The following NOTCH1 variants were observed in gnomAD, a reference collection of about 807,000 sequenced individuals.
NOTCH1 encodes the protein notch receptor 1, also known as neurogenic locus notch homolog protein 1.
In NOTCH1, 37 loss-of-function variants were observed where a neutral mutation model predicts 254.8. That is an observed-to-expected ratio of 0.15 (90% confidence interval 0.11 to 0.19). NOTCH1 has a LOEUF of 0.19. Ranked by LOEUF, NOTCH1 falls within the 10% of genes least tolerant of loss-of-function variation. NOTCH1 has a pLI of 1.00. For missense variants in NOTCH1, 2,972 were observed against 3,708.6 expected (o/e 0.80, Z 5.16); for synonymous variants, 1,731 against 1,618.1 (o/e 1.07, Z -1.68).
At chr9:136,512,881 A>AC (rs1843202923) in intron 15 of NOTCH1, 140 bp downstream of exon 15, 2 of 647,500 alleles carry the variant, frequency 3.1e-6, no homozygotes, top group South Asian at 1.7e-5. Flanking sequence ...CCACCACTTT[A>AC]CCCTCCAGTC....
chr9:136,517,537 G>T, intron 8 of NOTCH1, 152 bp from the exon 9 acceptor site: 1 of 828,504 alleles, frequency 1.2e-6, no homozygotes, highest in Non-Finnish European at 1.9e-6. Context: ...GCAGCCCGTG[G>T]CCCCTGGCCC....
In NOTCH1 at chr9:136,508,093, G is replaced by A. The variant is rs530959956; in HGVS notation, c.3372C>T (p.Asp1124=). The part of the protein sequence containing the change: ...RLCQHGGLCV[D]AGNTHHCRCQ... ...AGCGGCAGTGGTGCGTGTTGCCCGC[G>A]TCCACACAGAGCCCTCCATGCTGGC... The change falls in exon 21 of 34, where the codon GAC becomes GAT. Residue 1124 remains aspartate, a synonymous_variant. Transcript: ENST00000651671. 1.6e-5 allele frequency: 26 copies of A among 1,609,384 alleles called. No individual in the cohort carries two copies. The highest frequency in any genetic ancestry group is 5.3e-5 in the African/African-American group (4 of 75,034).
chr9:136,513,205 G>A lies in NOTCH1; in HGVS notation c.2354-71C>T. On this transcript the variant is annotated intron_variant, in intron 14 of 33. Transcript: ENST00000651671. This position sits in a 1 kb window ranked among gnomAD's most constrained non-coding sequence, Gnocchi z 4.7. Reference sequence around the variant, plus strand: ...ACCTTGGCAGGGCCCCACAACAGCAGCCCTGGGCCTGCTCCCCACCCCAGG... The same window carrying A: ...ACCTTGGCAGGGCCCCACAACAGCAACCCTGGGCCTGCTCCCCACCCCAGG... 1 of 1,471,758 alleles carries A rather than the reference G, an allele frequency of 6.8e-7. No individual in the cohort carries two copies. The highest frequency in any genetic ancestry group is 9.5e-7 in the Non-Finnish European group (1 of 1,053,194). 91.2% of individuals were successfully genotyped at this position (1,471,758 alleles called of 1,614,324 possible). A position where few individuals can be genotyped will look rare whatever the true frequency, so the allele number is the denominator to read the frequency against.
chr9:136,522,843 G>A lies in NOTCH1; in HGVS notation c.742+7C>T. ...GCTCGTGCACCCCGGCCAGCGGGCA[G>A]CACTACCTGGCAGGCAGGCACACTC... On this transcript the variant is annotated splice_region_variant and intron_variant, in intron 4 of 33. Coordinates refer to ENST00000651671, the MANE Select transcript of NOTCH1 (RefSeq NM_017617.5). 1 of 1,485,028 alleles carries A rather than the reference G, an allele frequency of 6.7e-7. No homozygotes were observed. The allele number at this position is 1,485,028 out of a possible 1,614,324, so 92.0% of individuals were successfully genotyped here.
At position 136,526,487 on chromosome 9, in the gene NOTCH1, G is replaced by A. The variant is rs541836401; in HGVS notation, c.141-2508C>T. ...CCGGCCCCTCGAGGCTCCAAGGAGC[G>A]GGAAAAGCTCACCTGCTGGGCAAGA... On this transcript the variant is annotated intron_variant, in intron 2 of 33. Transcript: ENST00000651671. Among the ~76,000 whole-genome samples the A allele has an allele frequency of 2.6e-4, 40 of 152,324 alleles. 1 individual carries two copies. In the South Asian group the frequency reaches 5.4e-3, roughly 20 times the overall value.
chr9:136,505,004 C>G lies in NOTCH1; in HGVS notation c.4687G>C (p.Glu1563Gln). 1 of 1,601,574 alleles carries G rather than the reference C, an allele frequency of 6.2e-7. No homozygotes were observed. The highest frequency in any genetic ancestry group is 2.3e-5 in the East Asian group (1 of 44,370). The change falls in exon 26 of 34, where the codon GAG becomes CAG. Residue 1563 changes from glutamate to glutamine, a missense_variant. Physicochemically the swap from Glu to Gln is conservative, Grantham distance 29 (BLOSUM62 2). This residue lies in a region of NOTCH1 where 1,343 missense variants were observed against 1,557.0 expected (regional missense o/e 0.86). Coordinates refer to ENST00000651671, the MANE Select transcript of NOTCH1 (RefSeq NM_017617.5). ...GCCGCCAGCCTCTCGGGTACATGCT[C>G]CGCACAGTCCAGCCCGTCCCACTCG... ...ECEWDGLDCA[E>Q]HVPERLAAGT...
At chr9:136,521,042 G>A (rs1171658293) in intron 4 of NOTCH1, among the ~76,000 whole-genome samples, 2 of 152,206 alleles carry the variant, frequency 1.3e-5, no homozygotes, top group Non-Finnish European at 2.9e-5. Flanking sequence ...AGAGCTCAGG[G>A]CCGCCCCCAT....
rs147674263 is a variant in NOTCH1, at chr9:136,509,125, C to T, written c.2970-54G>A. ...AGTGGAGGGCATTGGTGGGTCCCCG[C>T]TCCAGCAGATTCTGCCTCGCCAGCA... On this transcript the variant is annotated intron_variant, in intron 18 of 33. Coordinates refer to ENST00000651671, the MANE Select transcript of NOTCH1 (RefSeq NM_017617.5). 5.9e-4 allele frequency: 873 copies of T among 1,485,630 alleles called. 4 individuals carry two copies. The African/African-American group carries it at 0.011, about 18-fold the overall frequency. 92.0% of individuals were successfully genotyped at this position (1,485,630 alleles called of 1,614,324 possible). A position where few individuals can be genotyped will look rare whatever the true frequency, so the allele number is the denominator to read the frequency against.
At chr9:136,534,253 G>A (rs1843607259) in intron 2 of NOTCH1, among the ~76,000 whole-genome samples, 1 of 152,218 alleles carries the variant, frequency 6.6e-6, no homozygotes, top group Non-Finnish European at 1.5e-5. Context: ...GCTACCTGTG[G>A]AAGAGTTTGT....
Position 136,530,778 on chromosome 9 carries a change from G to A in NOTCH1, c.141-6799C>T, listed in dbSNP as rs539118984. Among the ~76,000 whole-genome samples the A allele has an allele frequency of 2.1e-3, 320 of 152,334 alleles. 3 individuals are homozygous for A. The highest frequency in any genetic ancestry group is 6.0e-3 in the African/African-American group (251 of 41,588). ...GAGGCCAAGATGGTCATGACACGCC[G>A]GGGCTCTGCTCCCAAGAAGACCCAG... On this transcript the variant is annotated intron_variant, in intron 2 of 33. Transcript: ENST00000651671.
chr9:136,510,907 G>T lies in NOTCH1; in HGVS notation c.2588-102C>A. The T allele has an allele frequency of 2.0e-6, 3 of 1,523,130 alleles. No homozygotes were observed. In the South Asian group the frequency reaches 3.4e-5, roughly 17 times the overall value. The allele number at this position is 1,523,130 out of a possible 1,614,324, so 94.4% of individuals were successfully genotyped here. A position where few individuals can be genotyped will look rare whatever the true frequency, so the allele number is the denominator to read the frequency against. ...CTACAGTGCCTCTCCCGACCCAGGAGTAGGCTTCCGTGACCCCAGGACCAT... is the reference window on the plus strand; with the variant it reads ...CTACAGTGCCTCTCCCGACCCAGGATTAGGCTTCCGTGACCCCAGGACCAT... On this transcript the variant is annotated intron_variant, in intron 16 of 33. Transcript: ENST00000651671.
In NOTCH1 at chr9:136,494,627, C is replaced by G. The variant is rs1169878325; in HGVS notation, c.*1444G>C. 2 of 398,740 alleles carry G rather than the reference C, an allele frequency of 5.0e-6. No individual in the cohort carries two copies. Among genetic ancestry groups the G allele is most frequent in the Non-Finnish European group, 8.8e-6 (2 of 226,060 alleles). 24.7% of individuals were successfully genotyped at this position (398,740 alleles called of 1,614,324 possible). A position where few individuals can be genotyped will look rare whatever the true frequency, so the allele number is the denominator to read the frequency against. Reference sequence around the variant, plus strand: ...TGGTCATGCCCCCTGGGGATGGCACCACGCGGCCCCCGTAGAGCCGGGGGA... The same window carrying G: ...TGGTCATGCCCCCTGGGGATGGCACGACGCGGCCCCCGTAGAGCCGGGGGA... On this transcript the variant is annotated 3_prime_UTR_variant, in exon 34 of 34. Coordinates refer to ENST00000651671, the MANE Select transcript of NOTCH1 (RefSeq NM_017617.5).
chr9:136,537,338 G>A (rs1843671509), intron 2 of NOTCH1, among the ~76,000 whole-genome samples: 1 of 152,188 alleles, frequency 6.6e-6, no homozygotes, highest in Non-Finnish European at 1.5e-5. Flanking sequence ...AACACATCAC[G>A]CTCAGTGAAA....
rs1411910074 is a variant in NOTCH1, at chr9:136,518,287, G to A, written c.1105C>T (p.Leu369=). The A allele has an allele frequency of 9.9e-6, 16 of 1,609,858 alleles. No individual in the cohort carries two copies. In the Admixed American group the frequency reaches 2.0e-4, roughly 20 times the overall value. The part of the protein sequence containing the change: ...CECPHGRTGL[L]CHLNDACISN... ...ATGCATGCGTCGTTGAGGTGGCACA[G>A]CAGACCTGGGCAGGCAGCGGCGGTC... The change falls in exon 7 of 34, where the codon CTG becomes TTG. Residue 369 remains leucine (L), a synonymous_variant. Transcript: ENST00000651671.
At chr9:136,531,131 G>A (rs998202016) in intron 2 of NOTCH1, among the ~76,000 whole-genome samples, 1 of 152,220 alleles carries the variant, frequency 6.6e-6, no homozygotes, top group Non-Finnish European at 1.5e-5. Context: ...AAGGGATCCC[G>A]AGACATCTGT....
chr9:136,528,397 G>C (rs1843503725), intron 2 of NOTCH1, among the ~76,000 whole-genome samples: 1 of 136,652 alleles, frequency 7.3e-6, no homozygotes, highest in Non-Finnish European at 1.6e-5. Context: ...GACAGTGGGG[G>C]GGGATGGGCA....
At chr9:136,504,172 G>A (rs1024131054) in intron 26 of NOTCH1, among the ~76,000 whole-genome samples, 4 of 152,244 alleles carry the variant, frequency 2.6e-5, no homozygotes, top group Non-Finnish European at 5.9e-5. Flanking sequence ...CCCCTGGAGA[G>A]CTGAGTGTTT....
chr9:136,524,632 T>G (rs1843430078), intron 2 of NOTCH1, among the ~76,000 whole-genome samples: 1 of 127,558 alleles, frequency 7.8e-6, no homozygotes. Context: ...GCCTTTCTTT[T>G]TCTTTTCTTT....
chr9:136,521,652 C>T (rs1159394021), intron 4 of NOTCH1, among the ~76,000 whole-genome samples: 1 of 152,222 alleles, frequency 6.6e-6, no homozygotes, highest in African/African-American at 2.4e-5. Flanking sequence ...GGGCTCTGCG[C>T]CCCACCCTGC....
Sources: allele counts gnomAD v4.1 joint callset (sites outside exome capture counted in the v4.1 genomes callset), GRCh38; gene constraint gnomAD v4.1.1; regional missense constraint gnomAD v4.1.1; non-coding constraint Gnocchi (gnomAD v3.1); transcripts MANE v1.5; gene names NCBI Gene and HGNC (gene_info 2026-07-23, HGNC 2026-07-21).